Variants in MYH10 observed in about 807,000 individuals in gnomAD.
The protein encoded by MYH10 is myosin-10.
Under a neutral mutation model 257.8 loss-of-function variants are expected in MYH10, and 55 were observed. The ratio of observed to expected loss-of-function variants is 0.21; its 90% CI spans 0.17 to 0.27. The LOEUF (loss-of-function observed/expected upper bound fraction) is 0.27. Ranked by LOEUF, MYH10 falls within the 10% of genes least tolerant of loss-of-function variation. MYH10 has a pLI of 1.00. For missense variants in MYH10, 1,631 were observed against 2,500.6 expected (o/e 0.65, Z 7.42); for synonymous variants, 854 against 921.7 (o/e 0.93, Z 1.33).
chr17:8,478,364 G>A lies in MYH10; in HGVS notation c.5680C>T (p.Arg1894Ter). 3 of 1,614,182 alleles carry A rather than the reference G, an allele frequency of 1.9e-6. No individual in the cohort carries two copies. The highest frequency in any genetic ancestry group is 2.5e-6 in the Non-Finnish European group (3 of 1,180,038). ...TGCTCTTTATACTGGTCCGCGTGTCGACGCTCATCCTCAACCTGCATGAAG... is the reference window on the plus strand; with the variant it reads ...TGCTCTTTATACTGGTCCGCGTGTCAACGCTCATCCTCAACCTGCATGAAG... ...EIFMQVEDER[R>*]HADQYKEQME... Residue 1894 changes from arginine to a stop codon, truncating the protein, a stop_gained, in exon 41 of 43, where the codon CGA becomes TGA. Transcript: ENST00000360416. LOFTEE classifies it high-confidence loss of function.
At chr17:8,518,104 CGTGTGTGTGT>C (rs58352961) in intron 21 of MYH10, among the ~76,000 whole-genome samples, 167 of 116,568 alleles carry the variant, frequency 1.4e-3, no homozygotes, top group Middle Eastern at 9.0e-3. Flanking sequence ...CCCTTGGCCC[CGTGTGTGTGT>C]GTGTGTGTGT....
At chr17:8,556,867 C>T (rs1260675538) in intron 7 of MYH10, among the ~76,000 whole-genome samples, 2 of 152,138 alleles carry the variant, frequency 1.3e-5, no homozygotes, top group African/African-American at 4.8e-5. Context: ...ATGAGCATGG[C>T]CCCTGTGCTA....
At chr17:8,599,913 TCTCTGCAGTGC>T in intron 3 of MYH10, among the ~76,000 whole-genome samples, 1 of 152,170 alleles carries the variant, frequency 6.6e-6, no homozygotes, top group South Asian at 2.1e-4. Context: ...TGGGGCAGTT[TCTCTGCAGTGC>T]CTCTGTGGAA....
At chr17:8,481,897 G>A (rs1010543534) in intron 37 of MYH10, among the ~76,000 whole-genome samples, 1 of 152,240 alleles carries the variant, frequency 6.6e-6, no homozygotes, top group African/African-American at 2.4e-5. Flanking sequence ...CCATGGAGAG[G>A]AGGCAGGTGG....
At position 8,490,320 on chromosome 17, in the gene MYH10, G is replaced by T; in HGVS notation, c.4884+20C>A. ...GAGAGCCTGCACCCCTTGTTGTGGAGGCCGCACCCTCTGCCCTACCTGTTT... is the reference window on the plus strand; with the variant it reads ...GAGAGCCTGCACCCCTTGTTGTGGATGCCGCACCCTCTGCCCTACCTGTTT... On this transcript the variant is annotated intron_variant, in intron 35 of 42. Transcript: ENST00000360416. This position sits in a 1 kb window ranked among gnomAD's most constrained non-coding sequence, Gnocchi z 4.1. 6.2e-7 allele frequency: 1 copy of T among 1,610,886 alleles called. No individual in the cohort carries two copies.
intron 17 of MYH10, among the ~76,000 whole-genome samples, chr17:8,523,988 T>C (rs755209994): frequency 3.9e-5 from 6 of 152,034 alleles, no homozygotes; most frequent in Non-Finnish European, 7.4e-5. Context: ...GGAAGAGAAA[T>C]GTCAAGTGAC....
chr17:8,603,731 T>A (rs1427388823), intron 3 of MYH10, among the ~76,000 whole-genome samples: 1 of 152,128 alleles, frequency 6.6e-6, no homozygotes, highest in African/African-American at 2.4e-5. Context: ...TTTTTCACAG[T>A]CCTAGCCATT....
At chr17:8,540,678 C>T (rs1327029952) in intron 14 of MYH10, among the ~76,000 whole-genome samples, 1 of 152,120 alleles carries the variant, frequency 6.6e-6, no homozygotes, top group Non-Finnish European at 1.5e-5. Flanking sequence ...GGTACATAAT[C>T]ATTATATTCT....
chr17:8,553,551 T>C (rs987162293), intron 8 of MYH10, among the ~76,000 whole-genome samples: 10 of 152,226 alleles, frequency 6.6e-5, no homozygotes, highest in African/African-American at 2.4e-4. Flanking sequence ...TCCAGCTTTA[T>C]TCTACTTAAC....
intron 14 of MYH10, among the ~76,000 whole-genome samples, chr17:8,538,017 C>T (rs971871): frequency 0.42 from 63,819 of 151,994 alleles, 13,381 homozygotes; most frequent in East Asian, 0.5. Flanking sequence ...AAGCCTGGCA[C>T]GGGCCTGTCA....
At chr17:8,520,814 C>G (rs934874559) in intron 19 of MYH10, 64 bp downstream of exon 19, 2 of 1,493,506 alleles carry the variant, frequency 1.3e-6, no homozygotes, top group African/African-American at 2.8e-5. Flanking sequence ...TATTTTATCA[C>G]TGTTTTAATT....
In MYH10 at chr17:8,563,464, G is replaced by C. The variant is rs117443728; in HGVS notation, c.756+6256C>G. On this transcript the variant is annotated intron_variant, in intron 7 of 42. Coordinates refer to ENST00000360416, the MANE Select transcript of MYH10 (RefSeq NM_001256012.3). ...GATATATATAGACCCTCCCCAATCCGGGGTCAAGGGAACAAGTGTTGAGAC... is the reference window on the plus strand; with the variant it reads ...GATATATATAGACCCTCCCCAATCCCGGGTCAAGGGAACAAGTGTTGAGAC... 6.6e-3 allele frequency among the ~76,000 whole-genome samples: 1,006 copies of C among 152,250 alleles called. 12 individuals carry two copies. The highest frequency in any genetic ancestry group is 0.01 in the Middle Eastern group (3 of 294).
intron 2 of MYH10, among the ~76,000 whole-genome samples, chr17:8,621,028 C>T (rs1432293319): frequency 1.3e-5 from 2 of 152,090 alleles, no homozygotes; most frequent in African/African-American, 4.8e-5. Flanking sequence ...ACAAAAACAA[C>T]AAAAAAACAC....
In MYH10 at chr17:8,509,918, C is replaced by T. The variant is rs1348631399; in HGVS notation, c.2984G>A (p.Gly995Glu). 6.2e-7 allele frequency: 1 copy of T among 1,612,288 alleles called. No individual in the cohort carries two copies. The highest frequency in any genetic ancestry group is 1.3e-5 in the African/African-American group (1 of 74,786). ...TTCCAGCTGCAGCTTTTGCCGAGCC[C>T]CTTCCTCCTCGTCTAGCTGTTCTTC... ...DLEEQLDEEE[G>E]ARQKLQLEKV... The change falls in exon 25 of 43, where the codon GGG (glycine) becomes GAG (glutamate). Residue 995 changes from glycine to glutamate, a missense_variant. By Grantham distance (98) the Gly-to-Glu change is moderately conservative (BLOSUM62 -2). This residue lies in a region of MYH10 where 169 missense variants were observed against 249.8 expected (regional missense o/e 0.68). Coordinates refer to ENST00000360416, the MANE Select transcript of MYH10 (RefSeq NM_001256012.3).
At chr17:8,562,149 A>G (rs2083018980) in intron 7 of MYH10, among the ~76,000 whole-genome samples, 1 of 152,268 alleles carries the variant, frequency 6.6e-6, no homozygotes, top group African/African-American at 2.4e-5. Context: ...ATAGCCAAGC[A>G]CTTTGACAAC....
intron 2 of MYH10, among the ~76,000 whole-genome samples, chr17:8,614,733 C>T (rs2085187608): frequency 6.6e-6 from 1 of 152,094 alleles, no homozygotes; most frequent in South Asian, 2.1e-4. Flanking sequence ...TACAGCAGTA[C>T]TTAGAATGAA....
At chr17:8,587,405 C>T (rs1431756710) in intron 4 of MYH10, among the ~76,000 whole-genome samples, 1 of 152,162 alleles carries the variant, frequency 6.6e-6, no homozygotes, top group Non-Finnish European at 1.5e-5. Flanking sequence ...GACTGACTAA[C>T]TCTCATCTCC....
chr17:8,518,680 C>T lies in MYH10; in HGVS notation c.2455G>A (p.Asp819Asn), dbSNP rs878973970. ...ACGGCCTGGAAGAAGATAATGATAT[C>T]GGTGATTTTTAAATCTCTTTCTTCC... is the stretch of plus-strand genomic sequence containing the variant. ...LEEERDLKIT[D>N]IIIFFQAVCR... The change falls in exon 21 of 43, where the codon GAT (aspartate) becomes AAT (asparagine). Residue 819 changes from aspartate to asparagine, a missense_variant. This residue lies in a region of MYH10 where 116 missense variants were observed against 221.6 expected (regional missense o/e 0.52). Transcript: ENST00000360416. 9 of 1,613,978 alleles carry T rather than the reference C, an allele frequency of 5.6e-6. No homozygotes were observed. Among genetic ancestry groups the T allele is most frequent in the African/African-American group, 1.3e-5 (1 of 74,912 alleles).
rs1473303471 is a variant in MYH10 at position 8,477,822 on chromosome 17, C to G, written c.5706+516G>C. Among the ~76,000 whole-genome samples the G allele has an allele frequency of 6.6e-6, 1 of 152,198 alleles. No homozygotes were observed. The highest frequency in any genetic ancestry group is 1.9e-4 in the East Asian group (1 of 5,194). Reference sequence around the variant, plus strand: ...AGGGTATAGCTGCCCACGCTGCAATCAGGGCAGGCCTGACCCACAGTTCAA... The same window carrying G: ...AGGGTATAGCTGCCCACGCTGCAATGAGGGCAGGCCTGACCCACAGTTCAA... On this transcript the variant is annotated intron_variant, in intron 41 of 42. Transcript: ENST00000360416. The surrounding 1 kb of genome is among the most constrained non-coding windows in gnomAD (Gnocchi z 4.2).
Sources: gnomAD v4.1 joint callset for allele counts (sites outside exome capture counted in the v4.1 genomes callset) on GRCh38, gnomAD v4.1.1 for gene constraint, gnomAD v4.1.1 regional missense constraint, Gnocchi (gnomAD v3.1) non-coding constraint, MANE v1.5 for transcripts, NCBI Gene and HGNC (gene_info 2026-07-23, HGNC 2026-07-21) for gene names.